NPRL3: variants seen among roughly 807,000 people sequenced by gnomAD.
NPRL3 encodes the protein NPR3 like, GATOR1 complex subunit.
A neutral mutation model predicts 57.2 loss-of-function variants in NPRL3; 23 were observed. That is an observed-to-expected ratio of 0.40 (90% CI 0.29 to 0.57). The LOEUF is 0.57. Among genes scored for constraint, NPRL3 ranks in the 20% least tolerant of loss-of-function variants. The pLI is 0.42. For missense variants in NPRL3, 691 were observed against 767.1 expected (o/e 0.90, Z 1.17); for synonymous variants, 333 against 321.1 (o/e 1.04, Z -0.39).
chr16:119,040 C>T (rs373085746), intron 4 of NPRL3, 86 bp downstream of exon 4: 2 of 1,567,204 alleles, frequency 1.3e-6, no homozygotes, highest in Non-Finnish European at 8.6e-7. Context: ...CCAAGGAGAG[C>T]CACACCTGCC....
At chr16:127,799 C>T (rs568863551) in intron 3 of NPRL3, among the ~76,000 whole-genome samples, 4 of 151,494 alleles carry the variant, frequency 2.6e-5, no homozygotes, top group African/African-American at 7.3e-5. Context: ...GGACTACAGG[C>T]GCCCGCCACC....
intron 2 of NPRL3, among the ~76,000 whole-genome samples, chr16:135,557 C>T (rs1901032666): frequency 1.5e-5 from 2 of 133,726 alleles, no homozygotes; most frequent in South Asian, 4.6e-4. Flanking sequence ...TGCAGTGAGC[C>T]AAGATCAGGC....
chr16:130,517 T>G lies in NPRL3; in HGVS notation c.188+5A>C. 1.3e-6 allele frequency: 2 copies of G among 1,550,470 alleles called. No homozygotes were observed. The highest frequency in any genetic ancestry group is 8.7e-7 in the Non-Finnish European group (1 of 1,147,260). ...CCCGCCCTGAAGTGGCCGCAGAGCC[T>G]TTACCTGGAATCGCCGTCCTGCTCA... On this transcript the variant is annotated splice_donor_5th_base_variant and intron_variant, in intron 3 of 13. Coordinates refer to ENST00000611875, the MANE Select transcript of NPRL3 (RefSeq NM_001077350.3).
intron 2 of NPRL3, among the ~76,000 whole-genome samples, chr16:136,952 A>G (rs1901117709): frequency 6.6e-6 from 1 of 151,834 alleles, no homozygotes; most frequent in Non-Finnish European, 1.5e-5. Flanking sequence ...TCACACCTGT[A>G]ATCCCAGTAC....
In NPRL3 at chr16:85,462, T is replaced by C. The variant is rs1282319769; in HGVS notation, c.*1243A>G. 3 of 1,613,032 alleles carry C rather than the reference T, an allele frequency of 1.9e-6. No homozygotes were observed. The South Asian group carries it at 3.3e-5, about 18-fold the overall frequency. ...CCCTGGAAGGTCTGGAGACCATGCG[T>C]CAGCTTCGCAGCACCCTCCGGAAAG... On this transcript the variant is annotated 3_prime_UTR_variant, in exon 14 of 14. Transcript: ENST00000611875.
chr16:107,825 C>G lies in NPRL3; in HGVS notation c.629+2700G>C, dbSNP rs535572798. Among the ~76,000 whole-genome samples the G allele has an allele frequency of 5.9e-5, 9 of 152,294 alleles. No homozygotes were observed. In the East Asian group the frequency reaches 1.7e-3, roughly 29 times the overall value. On this transcript the variant is annotated intron_variant, in intron 7 of 13. Coordinates refer to ENST00000611875, the MANE Select transcript of NPRL3 (RefSeq NM_001077350.3). Reference sequence around the variant, plus strand: ...CTACAGGAGCACACCACCGCACCAGCTTGGTTTTTATTTTAATTCCAAGTT... The same window carrying G: ...CTACAGGAGCACACCACCGCACCAGGTTGGTTTTTATTTTAATTCCAAGTT...
intron 2 of NPRL3, among the ~76,000 whole-genome samples, chr16:131,111 G>A (rs1900770009): frequency 6.6e-6 from 1 of 152,252 alleles, no homozygotes; most frequent in Non-Finnish European, 1.5e-5. Flanking sequence ...AAGGTGGGTG[G>A]ATCACCTGAG....
At chr16:98,447 G>A (rs1899122477) in intron 8 of NPRL3, 146 bp from the exon 9 acceptor site, 3 of 855,218 alleles carry the variant, frequency 3.5e-6, no homozygotes, top group African/African-American at 1.7e-5. Context: ...ATGCACCTGG[G>A]ACTCAAACAC....
At chr16:102,768 C>T (rs1418691629) in intron 7 of NPRL3, among the ~76,000 whole-genome samples, 1 of 152,194 alleles carries the variant, frequency 6.6e-6, no homozygotes, top group African/African-American at 2.4e-5. Flanking sequence ...CACGTCAATA[C>T]GGGGTGCTCA....
In NPRL3 at chr16:112,699, T is replaced by G; in HGVS notation, c.470A>C (p.Glu157Ala). Residue 157 changes from glutamate (E) to alanine (A), a missense_variant, in exon 6 of 14, where the codon GAG becomes GCG. Physicochemically the swap from Glu to Ala is moderately radical, Grantham distance 107 (BLOSUM62 -1). Coordinates refer to ENST00000611875, the MANE Select transcript of NPRL3 (RefSeq NM_001077350.3). Reference protein sequence around the residue: ...RRIATVLQHEERRCQYLTREA... With the variant: ...RRIATVLQHEARRCQYLTREA... Reference sequence around the variant, plus strand: ...CCGGGTGAGGTACTGGCAGCGGCGCTCCTCGTGCTGCAGCACGGTGGCGAT... The same window carrying G: ...CCGGGTGAGGTACTGGCAGCGGCGCGCCTCGTGCTGCAGCACGGTGGCGAT... 1 of 1,611,500 alleles carries G rather than the reference T, an allele frequency of 6.2e-7. No homozygotes were observed. Among genetic ancestry groups the G allele is most frequent in the Non-Finnish European group, 8.5e-7 (1 of 1,178,820 alleles).
intron 7 of NPRL3, among the ~76,000 whole-genome samples, chr16:108,694 G>A (rs1256410762): frequency 8.9e-6 from 1 of 112,532 alleles, no homozygotes; most frequent in Non-Finnish European, 1.8e-5. Context: ...TTTTTGAGAT[G>A]ACATCTAGTT....
At chr16:92,044 T>C (rs1033263729) in intron 11 of NPRL3, among the ~76,000 whole-genome samples, 2 of 152,158 alleles carry the variant, frequency 1.3e-5, no homozygotes, top group South Asian at 4.1e-4. Flanking sequence ...TGCCTGCCCG[T>C]TGCCCTGATC....
At chr16:131,917 T>C (rs2141983930) in intron 2 of NPRL3, among the ~76,000 whole-genome samples, 2 of 152,310 alleles carry the variant, frequency 1.3e-5, no homozygotes, top group South Asian at 4.1e-4. Flanking sequence ...TAAGTTTATA[T>C]AATATTCGAA....
rs962579312 is a variant in NPRL3 at position 95,123 on chromosome 16, G to T, written c.925-1798C>A. ...GCCTCCCTCTGATAAGGGCCTTAGA[G>T]ATTACATTTAGAGCTCAACAGGATG... is the stretch of plus-strand genomic sequence containing the variant. On this transcript the variant is annotated intron_variant, in intron 9 of 13. Coordinates refer to ENST00000611875, the MANE Select transcript of NPRL3 (RefSeq NM_001077350.3). Among the ~76,000 whole-genome samples, 15 of 152,016 alleles carry T rather than the reference G, an allele frequency of 9.9e-5. No individual in the cohort carries two copies. In the South Asian group the frequency reaches 1.9e-3, roughly 19 times the overall value.
chr16:126,172 T>C (rs1900505038), intron 3 of NPRL3: 1 of 150,646 alleles, frequency 6.6e-6, no homozygotes, highest in African/African-American at 2.4e-5. Context: ...AGCCCAGGAG[T>C]TCAATCACCT....
At chr16:103,313 TTTTTTTTTTTTTG>T in intron 7 of NPRL3, among the ~76,000 whole-genome samples, 1 of 129,424 alleles carries the variant, frequency 7.7e-6, no homozygotes, top group Non-Finnish European at 1.6e-5. Context: ...TTTTTTTTTT[TTTTTTTTTTTTTG>T]TAGAGACAGG....
chr16:116,450 G>A (rs1900036865), intron 5 of NPRL3, among the ~76,000 whole-genome samples: 1 of 152,170 alleles, frequency 6.6e-6, no homozygotes, highest in Non-Finnish European at 1.5e-5. Flanking sequence ...CCAGAACCCT[G>A]TACCCCAGGA....
chr16:100,248 G>T, intron 8 of NPRL3, 124 bp downstream of exon 8: 2 of 1,048,486 alleles, frequency 1.9e-6, no homozygotes, highest in Non-Finnish European at 2.6e-6. Flanking sequence ...AGCCCCACCT[G>T]CAAGCTTCCG....
At chr16:123,272 C>T (rs950175150) in intron 3 of NPRL3, among the ~76,000 whole-genome samples, 1 of 152,064 alleles carries the variant, frequency 6.6e-6, no homozygotes, top group Admixed American at 6.6e-5. Flanking sequence ...GGGTGCCAGC[C>T]AGCCATGCCT....
Sources: gnomAD v4.1 joint callset for allele counts (sites outside exome capture counted in the v4.1 genomes callset) on GRCh38, gnomAD v4.1.1 for gene constraint, MANE v1.5 for transcripts, NCBI Gene and HGNC (gene_info 2026-07-23, HGNC 2026-07-21) for gene names.